Variants in ATP6V0A4 observed in about 807,000 individuals in gnomAD.
ATP6V0A4 encodes ATPase H+ transporting V0 subunit a4.
A neutral mutation model predicts 107.3 loss-of-function variants in ATP6V0A4; 86 were observed. That is an observed-to-expected ratio of 0.80 (90% CI 0.67 to 0.96). The LOEUF is 0.96. Ranked by LOEUF, ATP6V0A4 falls within the 40% of genes least tolerant of loss-of-function variation. ATP6V0A4 has a pLI of 0.00. For missense variants in ATP6V0A4, 908 were observed against 1,045.6 expected, an observed-to-expected ratio of 0.87 and a Z score of 1.81; for synonymous variants, 353 against 381.4, an observed-to-expected ratio of 0.93 and a Z score of 0.87.
At chr7:138,758,782 G>T (rs1359276330) in intron 8 of ATP6V0A4, among the ~76,000 whole-genome samples, 1 of 105,974 alleles carries the variant, frequency 9.4e-6, no homozygotes, top group Non-Finnish European at 1.7e-5. Flanking sequence ...AGGGAGTCTT[G>T]CTCTGTCACC....
chr7:138,735,243 A>C (rs1281469471), intron 15 of ATP6V0A4, among the ~76,000 whole-genome samples: 1 of 152,068 alleles, frequency 6.6e-6, no homozygotes, highest in South Asian at 2.1e-4. Flanking sequence ...CGGCAGCCCC[A>C]TGGTCTCCAC....
chr7:138,758,739 A>ATTTTTTTTTTTTTTT (rs398006555), intron 8 of ATP6V0A4, among the ~76,000 whole-genome samples: 2 of 59,176 alleles, frequency 3.4e-5, no homozygotes, highest in African/African-American at 6.9e-5. Flanking sequence ...CTGACTCAGA[A>ATTTTTTTTTTTTTTT]TTTTTTTTTT....
At chr7:138,742,404 G>C (rs1805676613) in intron 14 of ATP6V0A4, among the ~76,000 whole-genome samples, 2 of 152,034 alleles carry the variant, frequency 1.3e-5, no homozygotes, top group South Asian at 4.1e-4. Context: ...TCCAGCTTGG[G>C]CCACAGAACG....
intron 2 of ATP6V0A4, among the ~76,000 whole-genome samples, chr7:138,775,690 G>A (rs913673407): frequency 4.6e-5 from 6 of 129,694 alleles, no homozygotes; most frequent in Admixed American, 2.9e-4. Flanking sequence ...TCGCTCTGTC[G>A]CCCAGGCTGG....
intron 2 of ATP6V0A4, among the ~76,000 whole-genome samples, chr7:138,785,877 AT>A: frequency 6.6e-6 from 1 of 152,094 alleles, no homozygotes; most frequent in Non-Finnish European, 1.5e-5. Context: ...TGCCATGCAC[AT>A]TTCCACTTCC....
chr7:138,725,200 A>G (rs779960936), intron 18 of ATP6V0A4, among the ~76,000 whole-genome samples: 27 of 152,186 alleles, frequency 1.8e-4, no homozygotes, highest in Admixed American at 4.6e-4. Flanking sequence ...TGAGCCCAGG[A>G]GGTGAGTCAG....
intron 20 of ATP6V0A4, among the ~76,000 whole-genome samples, chr7:138,710,708 G>A (rs968196188): frequency 2.0e-5 from 3 of 152,182 alleles, no homozygotes; most frequent in Non-Finnish European, 2.9e-5. Flanking sequence ...ACTGAGCACA[G>A]GAGGTGAATT....
rs530406140 is a variant in ATP6V0A4 at position 138,747,496 on chromosome 7, C to T, written c.1249G>A (p.Val417Met). Residue 417 changes from valine to methionine, a missense_variant, in exon 13 of 22, where the codon GTG (valine) becomes ATG (methionine). Val to Met is a conservative substitution (Grantham distance 21). Coordinates refer to ENST00000310018, the MANE Select transcript of ATP6V0A4 (RefSeq NM_020632.3). ...ATCCAAAGTGCAGCCAGGAGCATCA[C>T]GGTTCCATGACCACAGTCTCCAAAC... is the stretch of plus-strand genomic sequence containing the variant. ...VMFGDCGHGT[V>M]MLLAALWMIL... 59 of 1,614,102 alleles carry T rather than the reference C, an allele frequency of 3.7e-5. No homozygotes were observed. Among genetic ancestry groups the T allele is most frequent in the South Asian group, 3.1e-4 (28 of 91,064 alleles).
At chr7:138,791,535 A>G (rs1052990717) in intron 1 of ATP6V0A4, among the ~76,000 whole-genome samples, 2 of 152,214 alleles carry the variant, frequency 1.3e-5, no homozygotes, top group Non-Finnish European at 2.9e-5. Flanking sequence ...TCAGAGTAAA[A>G]CTGCTGAAAA....
chr7:138,774,714 A>G (rs1807577679), intron 2 of ATP6V0A4, among the ~76,000 whole-genome samples: 1 of 71,976 alleles, frequency 1.4e-5, no homozygotes, highest in Non-Finnish European at 3.5e-5. Flanking sequence ...GTGTGTATAT[A>G]TGTGTGTATA....
Position 138,709,801 on chromosome 7 carries a change from A to G in ATP6V0A4, c.2258-6T>C. The G allele has an allele frequency of 6.2e-7, 1 of 1,613,720 alleles. No individual in the cohort carries two copies. The highest frequency in any genetic ancestry group is 1.7e-4 in the Middle Eastern group (1 of 6,058). Reference sequence around the variant, plus strand: ...CCAGAGCACTTCAGACAGTTCTGCAAGGTACGAGAAACCACTGGGATTATC... The same window carrying G: ...CCAGAGCACTTCAGACAGTTCTGCAGGGTACGAGAAACCACTGGGATTATC... On this transcript the variant is annotated splice_region_variant and splice_polypyrimidine_tract_variant and intron_variant, in intron 20 of 21. Transcript: ENST00000310018.
intron 2 of ATP6V0A4, among the ~76,000 whole-genome samples, chr7:138,782,321 CA>C (rs1807962772): frequency 6.6e-6 from 1 of 152,148 alleles, no homozygotes; most frequent in Non-Finnish European, 1.5e-5. Context: ...TGTCTGTGTC[CA>C]AATCCCTTTT....
At chr7:138,749,027 A>G in intron 12 of ATP6V0A4, 140 bp downstream of exon 12, 1 of 1,142,480 alleles carries the variant, frequency 8.8e-7, no homozygotes, top group South Asian at 1.3e-5. Flanking sequence ...TATCCTACTT[A>G]TTCCTCTGAT....
chr7:138,735,932 G>A (rs1389355299), intron 15 of ATP6V0A4, among the ~76,000 whole-genome samples: 2 of 50,162 alleles, frequency 4.0e-5, no homozygotes, highest in African/African-American at 1.7e-4. Context: ...GCATGGCATG[G>A]TGGCTTATGC....
In ATP6V0A4 at chr7:138,747,431, G is replaced by T; in HGVS notation, c.1314C>A (p.Asp438Glu). Residue 438 changes from aspartate (D) to glutamate (E), a missense_variant, in exon 13 of 22, where the codon GAC (aspartate) becomes GAA (glutamate). Transcript: ENST00000310018. The stretch of plus-strand genomic sequence containing the variant: ...ACGGTCAATGGACACTCACCTCATT[G>T]TCTGTCTTCTGGGAGAGCAAGCGTC... Reference protein sequence around the residue: ...NERRLLSQKTDNEIWNTFFHG... With the variant: ...NERRLLSQKTENEIWNTFFHG... The T allele has an allele frequency of 1.2e-6, 2 of 1,614,094 alleles. No homozygotes were observed. Among genetic ancestry groups the T allele is most frequent in the South Asian group, 2.2e-5 (2 of 91,078 alleles).
At chr7:138,766,208 T>A (rs1487952735) in intron 5 of ATP6V0A4, among the ~76,000 whole-genome samples, 1 of 81,724 alleles carries the variant, frequency 1.2e-5, no homozygotes, top group African/African-American at 8.2e-5. Flanking sequence ...TTATTATTTT[T>A]TTTTTTTTTT....
chr7:138,724,248 T>C (rs1323568126), intron 18 of ATP6V0A4, among the ~76,000 whole-genome samples: 1 of 151,702 alleles, frequency 6.6e-6, no homozygotes, highest in East Asian at 1.9e-4. Context: ...AAATAAATCT[T>C]TGTAAAAACT....
chr7:138,773,546 AT>A lies in ATP6V0A4; in HGVS notation c.-17-2283del, dbSNP rs1243975781. On this transcript the variant is annotated intron_variant, in intron 2 of 21. Transcript: ENST00000310018. The surrounding 1 kb of genome is among the most constrained non-coding windows in gnomAD (Gnocchi z 5.4). ...CAGTGAAGTCCACGAGGCTAGAACC[AT>A]TCCCTGTTTCCACTCCCACACCGGT... is the stretch of plus-strand genomic sequence containing the variant. 6.6e-6 allele frequency among the ~76,000 whole-genome samples: 1 copy of A among 152,172 alleles called. No homozygotes were observed.
chr7:138,707,161 ATATAT>A (rs1343035056), intron 21 of ATP6V0A4, among the ~76,000 whole-genome samples: 12 of 74,086 alleles, frequency 1.6e-4, no homozygotes, highest in South Asian at 3.3e-4. Context: ...TTAATATATA[ATATAT>A]TATATATATT....
Sources: allele counts gnomAD v4.1 joint callset (sites outside exome capture counted in the v4.1 genomes callset), GRCh38; gene constraint gnomAD v4.1.1; non-coding constraint Gnocchi (gnomAD v3.1); transcripts MANE v1.5; gene names NCBI Gene and HGNC (gene_info 2026-07-23, HGNC 2026-07-21).